Variants in DDI2 observed in about 807,000 individuals in gnomAD.
DDI2 encodes the protein DDI proteasomal shuttling factor 2, also known as protein DDI1 homolog 2.
DDI2 carries 5 observed loss-of-function variants against 48.1 expected under a neutral mutation model. The ratio of observed to expected loss-of-function variants is 0.10; its 90% CI spans 0.05 to 0.22. The LOEUF is 0.22. Ranked by LOEUF, DDI2 falls within the 10% of genes least tolerant of loss-of-function variation. The pLI, the probability that DDI2 is intolerant of heterozygous loss-of-function variation, is 1.00. For synonymous variants in DDI2, 205 were observed against 183.6 expected, an observed-to-expected ratio of 1.12 and a Z score of -0.94; for missense variants, 285 against 506.2, an observed-to-expected ratio of 0.56 and a Z score of 4.19.
chr1:15,645,849 G>GC, intron 6 of DDI2, among the ~76,000 whole-genome samples: 1 of 137,036 alleles, frequency 7.3e-6, no homozygotes, highest in South Asian at 2.3e-4. Flanking sequence ...CAGCTTGGAT[G>GC]ACAATGAGAA....
intron 8 of DDI2, among the ~76,000 whole-genome samples, chr1:15,652,771 T>G (rs924341879): frequency 6.6e-6 from 1 of 151,512 alleles, no homozygotes; most frequent in Non-Finnish European, 1.5e-5. Flanking sequence ...TGCAGTGAGC[T>G]GAGATCGCAC....
At chr1:15,647,222 A>G (rs979805863) in intron 6 of DDI2, among the ~76,000 whole-genome samples, 1 of 151,120 alleles carries the variant, frequency 6.6e-6, no homozygotes, top group Non-Finnish European at 1.5e-5. Context: ...ATCTTGGCTC[A>G]CTTCAACCTG....
intron 3 of DDI2, among the ~76,000 whole-genome samples, 197 bp downstream of exon 3, chr1:15,630,758 A>G (rs1639830964): frequency 6.6e-6 from 1 of 152,218 alleles, no homozygotes. Context: ...TAGCAGTGAA[A>G]TCCATCTAGG....
Position 15,662,002 on chromosome 1 carries a change from C to A in DDI2, c.*2212C>A. 3.4e-6 allele frequency: 1 copy of A among 295,870 alleles called. No homozygotes were observed. The allele number at this position is 295,870 out of a possible 1,614,324, so 18.3% of individuals were successfully genotyped here. A position where few individuals can be genotyped will look rare whatever the true frequency, so the allele number is the denominator to read the frequency against. On this transcript the variant is annotated 3_prime_UTR_variant, in exon 10 of 10. Coordinates refer to ENST00000480945, the MANE Select transcript of DDI2 (RefSeq NM_032341.5). ...CTTTTTATTCTCATTAAGATGTATC[C>A]TGGAATAAAATGGATGGTTTTGTGT...
At chr1:15,653,851 G>C (rs1435325550) in intron 8 of DDI2, among the ~76,000 whole-genome samples, 2 of 152,088 alleles carry the variant, frequency 1.3e-5, no homozygotes, top group Non-Finnish European at 2.9e-5. Context: ...TTACAGTATT[G>C]TCATCAGGCC....
Position 15,660,704 on chromosome 1 carries a change from A to G in DDI2, c.*914A>G. On this transcript the variant is annotated 3_prime_UTR_variant, in exon 10 of 10. Coordinates refer to ENST00000480945, the MANE Select transcript of DDI2 (RefSeq NM_032341.5). ...AATGTCAAGAACATTGGTGCATTGGATCTCACTTTAGATAATCCCTTGATG... is the reference window on the plus strand; with the variant it reads ...AATGTCAAGAACATTGGTGCATTGGGTCTCACTTTAGATAATCCCTTGATG... 6.2e-7 allele frequency: 1 copy of G among 1,614,066 alleles called. No homozygotes were observed. Among genetic ancestry groups the G allele is most frequent in the Non-Finnish European group, 8.5e-7 (1 of 1,180,022 alleles).
At chr1:15,654,631 TG>T (rs1224187180) in intron 8 of DDI2, among the ~76,000 whole-genome samples, 1 of 147,724 alleles carries the variant, frequency 6.8e-6, no homozygotes, top group Admixed American at 6.9e-5. Flanking sequence ...CAATCCAGCC[TG>T]GGTGACAGAG....
At position 15,661,267 on chromosome 1, in the gene DDI2, A is replaced by G; in HGVS notation, c.*1477A>G. 1 of 1,614,220 alleles carries G rather than the reference A, an allele frequency of 6.2e-7. No individual in the cohort carries two copies. On this transcript the variant is annotated 3_prime_UTR_variant, in exon 10 of 10. Coordinates refer to ENST00000480945, the MANE Select transcript of DDI2 (RefSeq NM_032341.5). ...AGGTGTCCCCAAATCTAGGGAATCC[A>G]TAAATAAGAACCGTTCTGTCACTGT... is the stretch of plus-strand genomic sequence containing the variant.
Position 15,660,370 on chromosome 1 carries a change from C to T in DDI2, c.*580C>T, listed in dbSNP as rs1640347578. 1 of 1,613,966 alleles carries T rather than the reference C, an allele frequency of 6.2e-7. No homozygotes were observed. The highest frequency in any genetic ancestry group is 8.5e-7 in the Non-Finnish European group (1 of 1,179,964). On this transcript the variant is annotated 3_prime_UTR_variant, in exon 10 of 10. Coordinates refer to ENST00000480945, the MANE Select transcript of DDI2 (RefSeq NM_032341.5). ...GAGTCAAGTGAGTGACCCTCAGCAG[C>T]ACGAAGAACCAGGGAATGAACAGTA...
In DDI2 at chr1:15,651,725, A is replaced by C; in HGVS notation, c.1013A>C (p.Lys338Thr). The C allele has an allele frequency of 6.2e-7, 1 of 1,608,322 alleles. No individual in the cohort carries two copies. Among genetic ancestry groups the C allele is most frequent in the Non-Finnish European group, 8.5e-7 (1 of 1,178,216 alleles). The change falls in exon 8 of 10, where the codon AAA (lysine) becomes ACA (threonine). Residue 338 changes from lysine to threonine, a missense_variant. Transcript: ENST00000480945. ...KRHQCSIDLK[K>T]NVLVIGTTGS... ...TCCAAGTGTTCCATCGACCTGAAGA[A>C]AAATGTACTCGTGATCGGCACCACA...
chr1:15,638,297 T>C lies in DDI2; in HGVS notation c.633-10T>C. Reference sequence around the variant, plus strand: ...ATGCTTTCAGTGTCCCTGGTCTTGTTCTGTTACAGGCAACAGAACATTGAG... The same window carrying C: ...ATGCTTTCAGTGTCCCTGGTCTTGTCCTGTTACAGGCAACAGAACATTGAG... On this transcript the variant is annotated splice_polypyrimidine_tract_variant and intron_variant, in intron 4 of 9. Coordinates refer to ENST00000480945, the MANE Select transcript of DDI2 (RefSeq NM_032341.5). The C allele has an allele frequency of 6.2e-7, 1 of 1,613,574 alleles. No individual in the cohort carries two copies. The highest frequency in any genetic ancestry group is 1.1e-5 in the South Asian group (1 of 91,068).
Position 15,617,596 on chromosome 1 carries a change from C to G in DDI2, c.-75C>G. 1.6e-6 allele frequency: 2 copies of G among 1,226,056 alleles called. No individual in the cohort carries two copies. The highest frequency in any genetic ancestry group is 1.0e-6 in the Non-Finnish European group (1 of 970,008). 75.9% of individuals were successfully genotyped at this position (1,226,056 alleles called of 1,614,324 possible). ...CGTCCTCCCGCAGCACCAGCCAGGC[C>G]ACGCCGCCGCCTCTTCCCCTGCGCC... On this transcript the variant is annotated 5_prime_UTR_variant, in exon 1 of 10. Coordinates refer to ENST00000480945, the MANE Select transcript of DDI2 (RefSeq NM_032341.5).
Position 15,667,744 on chromosome 1 carries a change from A to G in DDI2, c.*7954A>G, listed in dbSNP as rs1378895223. 4.6e-5 allele frequency: 7 copies of G among 152,220 alleles called. No individual in the cohort carries two copies. The highest frequency in any genetic ancestry group is 1.0e-4 in the Non-Finnish European group (7 of 68,042). 9.4% of individuals were successfully genotyped at this position (152,220 alleles called of 1,614,324 possible). Reference sequence around the variant, plus strand: ...TTGTAATGCTGAAGCATACAGGTAGAATTTCTGGATCGTAACTACTAGTGA... The same window carrying G: ...TTGTAATGCTGAAGCATACAGGTAGGATTTCTGGATCGTAACTACTAGTGA... On this transcript the variant is annotated 3_prime_UTR_variant, in exon 10 of 10. Coordinates refer to ENST00000480945, the MANE Select transcript of DDI2 (RefSeq NM_032341.5).
At chr1:15,648,251 G>C (rs918817829) in intron 6 of DDI2, among the ~76,000 whole-genome samples, 1 of 152,176 alleles carries the variant, frequency 6.6e-6, no homozygotes, top group Non-Finnish European at 1.5e-5. Context: ...TAAATGAGAA[G>C]ATAATAGGAG....
Position 15,651,740 on chromosome 1 carries a change from T to C in DDI2, c.1028T>C (p.Ile343Thr), listed in dbSNP as rs773548713. The C allele has an allele frequency of 1.2e-6, 2 of 1,612,320 alleles. No individual in the cohort carries two copies. The highest frequency in any genetic ancestry group is 1.7e-6 in the Non-Finnish European group (2 of 1,179,366). The change falls in exon 8 of 10, where the codon ATC becomes ACC. Residue 343 changes from isoleucine to threonine, a missense_variant. This residue lies in a region of DDI2 where 66 missense variants were observed against 87.3 expected (regional missense o/e 0.76). Transcript: ENST00000480945. The part of the protein sequence containing the change: ...SIDLKKNVLV[I>T]GTTGSQTTFL... ...GACCTGAAGAAAAATGTACTCGTGATCGGCACCACAGGCTCCCAGACCACC... is the reference window on the plus strand; with the variant it reads ...GACCTGAAGAAAAATGTACTCGTGACCGGCACCACAGGCTCCCAGACCACC...
chr1:15,655,837 A>G (rs2103480301), intron 8 of DDI2, among the ~76,000 whole-genome samples: 1 of 152,112 alleles, frequency 6.6e-6, no homozygotes, highest in African/African-American at 2.4e-5. Flanking sequence ...AGGTGGAAAG[A>G]TCACTTGATC....
chr1:15,649,960 G>A (rs1392853112), intron 7 of DDI2, 137 bp downstream of exon 7: 1 of 784,114 alleles, frequency 1.3e-6, no homozygotes, highest in South Asian at 2.0e-5. Flanking sequence ...CTTAAATTAT[G>A]TTGCTATACA....
chr1:15,624,509 C>T (rs1639721419), intron 1 of DDI2, among the ~76,000 whole-genome samples: 1 of 152,076 alleles, frequency 6.6e-6, no homozygotes, highest in Non-Finnish European at 1.5e-5. Context: ...CTCTGTTGCC[C>T]CAGGCTGGAG....
chr1:15,661,609 C>G lies in DDI2; in HGVS notation c.*1819C>G. The G allele has an allele frequency of 1.2e-6, 2 of 1,614,180 alleles. No homozygotes were observed. The stretch of plus-strand genomic sequence containing the variant: ...TCCTGCCACAGATATTGACCGCATT[C>G]TCCGTGCTGGCTTTACTTTGCAGGA... On this transcript the variant is annotated 3_prime_UTR_variant, in exon 10 of 10. Transcript: ENST00000480945.
Sources: gnomAD v4.1 joint callset for allele counts (sites outside exome capture counted in the v4.1 genomes callset) on GRCh38, gnomAD v4.1.1 for gene constraint, gnomAD v4.1.1 regional missense constraint, MANE v1.5 for transcripts, NCBI Gene and HGNC (gene_info 2026-07-23, HGNC 2026-07-21) for gene names.